Variants in SPACA7 observed in about 807,000 individuals in gnomAD.
SPACA7 encodes the protein sperm acrosome associated 7, also known as sperm acrosome-associated protein 7.
Under a neutral mutation model 26.3 loss-of-function variants are expected in SPACA7, and 19 were observed. The ratio of observed to expected loss-of-function variants is 0.72; its 90% CI spans 0.50 to 1.06. The LOEUF (loss-of-function observed/expected upper bound fraction) is 1.06, where lower values mean the gene tolerates loss of function less well. Ranked by LOEUF, SPACA7 falls within the 50% of genes least tolerant of loss-of-function variation. SPACA7 has a pLI of 0.00. For missense variants in SPACA7, 211 were observed against 229.9 expected (o/e 0.92, Z 0.53); for synonymous variants, 84 against 84.5 (o/e 0.99, Z 0.04).
chr13:112,406,600 T>C (rs1176690221), intron 5 of SPACA7, among the ~76,000 whole-genome samples: 1 of 152,176 alleles, frequency 6.6e-6, no homozygotes, highest in Non-Finnish European at 1.5e-5. Flanking sequence ...AATAAGTCCA[T>C]GAAAAGATGT....
At chr13:112,398,748 TC>T (rs1334090029) in intron 3 of SPACA7, among the ~76,000 whole-genome samples, 1 of 152,120 alleles carries the variant, frequency 6.6e-6, no homozygotes, top group Non-Finnish European at 1.5e-5. Flanking sequence ...GAATCAGAAA[TC>T]CCCACACAGT....
At chr13:112,383,126 AAAGAAAG>A (rs1263213672) in intron 1 of SPACA7, among the ~76,000 whole-genome samples, 1 of 3,058 alleles carries the variant, frequency 3.3e-4, no homozygotes, top group Non-Finnish European at 1.1e-3. Flanking sequence ...AAAAGAAAAG[AAAGAAAG>A]AAAGAAAGAA....
intron 5 of SPACA7, among the ~76,000 whole-genome samples, chr13:112,413,054 A>G (rs1886450369): frequency 6.6e-6 from 1 of 152,130 alleles, no homozygotes. Flanking sequence ...CTTTAAAATT[A>G]TTATTTTTTA....
chr13:112,409,750 A>G (rs1017486479), intron 5 of SPACA7, among the ~76,000 whole-genome samples: 1 of 152,190 alleles, frequency 6.6e-6, no homozygotes, highest in African/African-American at 2.4e-5. Flanking sequence ...AAATAGGAAC[A>G]CTTTTACACT....
intron 5 of SPACA7, among the ~76,000 whole-genome samples, chr13:112,404,207 G>GCCATT (rs559703328): frequency 5.8e-4 from 89 of 152,188 alleles, no homozygotes; most frequent in African/African-American, 2.1e-3. Context: ...CTGTTCGTTG[G>GCCATT]CCATTTGTAT....
At chr13:112,378,164 G>A (rs533976054) in intron 1 of SPACA7, among the ~76,000 whole-genome samples, 1 of 152,116 alleles carries the variant, frequency 6.6e-6, no homozygotes, top group Non-Finnish European at 1.5e-5. Context: ...CCAGTCAGGA[G>A]GGCAGAAGAA....
rs994521733 is a variant in SPACA7, at chr13:112,431,995, C to T, written c.446-449C>T. On this transcript the variant is annotated intron_variant, in intron 5 of 6. Coordinates refer to ENST00000283550, the MANE Select transcript of SPACA7 (RefSeq NM_145248.5). Reference sequence around the variant, plus strand: ...AGTCATTGGTAGAAAGGGCTGGCCACGAAGAAAGGTGGGGGAAATTCAGTG... The same window carrying T: ...AGTCATTGGTAGAAAGGGCTGGCCATGAAGAAAGGTGGGGGAAATTCAGTG... Among the ~76,000 whole-genome samples, 9 of 152,130 alleles carry T rather than the reference C, an allele frequency of 5.9e-5. No homozygotes were observed. The East Asian group carries it at 7.7e-4, about 13-fold the overall frequency.
intron 5 of SPACA7, among the ~76,000 whole-genome samples, chr13:112,411,260 T>A (rs1886333933): frequency 6.6e-6 from 1 of 152,096 alleles, no homozygotes; most frequent in African/African-American, 2.4e-5. Context: ...TGTCCCTAAT[T>A]CCCTTTTTTT....
intron 5 of SPACA7, among the ~76,000 whole-genome samples, chr13:112,414,975 AGACT>A (rs1365922081): frequency 2.0e-5 from 3 of 152,190 alleles, no homozygotes; most frequent in East Asian, 3.9e-4. Flanking sequence ...GATTCAAAGG[AGACT>A]GACTGACTGT....
intron 4 of SPACA7, among the ~76,000 whole-genome samples, chr13:112,400,372 G>T (rs367986278): frequency 2.0e-5 from 3 of 152,312 alleles, no homozygotes; most frequent in African/African-American, 7.2e-5. Context: ...TGTGGTGTTT[G>T]CCAACTGGCG....
At chr13:112,402,549 A>AT (rs1022962297) in intron 5 of SPACA7, among the ~76,000 whole-genome samples, 3 of 152,174 alleles carry the variant, frequency 2.0e-5, no homozygotes, top group African/African-American at 7.2e-5. Context: ...GCATTGACTG[A>AT]TATATCCAGG....
intron 5 of SPACA7, among the ~76,000 whole-genome samples, chr13:112,412,417 TATTG>T (rs1886409402): frequency 6.6e-6 from 1 of 152,222 alleles, no homozygotes; most frequent in African/African-American, 2.4e-5. Context: ...CTCTTCACCT[TATTG>T]ATTGTTTCAT....
chr13:112,412,678 G>A (rs986383614), intron 5 of SPACA7, among the ~76,000 whole-genome samples: 5 of 152,042 alleles, frequency 3.3e-5, no homozygotes, highest in Non-Finnish European at 7.4e-5. Context: ...GCATATGAAT[G>A]TCCAGTTTTC....
intron 5 of SPACA7, among the ~76,000 whole-genome samples, chr13:112,414,362 T>C (rs1886542452): frequency 6.9e-6 from 1 of 145,284 alleles, no homozygotes; most frequent in Admixed American, 6.9e-5. Flanking sequence ...ATTAATCTGA[T>C]AAGTTTCTGA....
At chr13:112,407,117 A>C (rs1048218088) in intron 5 of SPACA7, among the ~76,000 whole-genome samples, 9 of 152,226 alleles carry the variant, frequency 5.9e-5, no homozygotes, top group African/African-American at 2.2e-4. Context: ...CTGAATGACT[A>C]CTGGGTACAT....
chr13:112,391,309 G>T (rs1257175834), intron 1 of SPACA7, among the ~76,000 whole-genome samples: 2 of 152,134 alleles, frequency 1.3e-5, no homozygotes, highest in African/African-American at 2.4e-5. Context: ...TACTCTCCTT[G>T]GTCCTTAATG....
intron 5 of SPACA7, among the ~76,000 whole-genome samples, chr13:112,402,648 G>A (rs1212164088): frequency 6.6e-6 from 1 of 152,112 alleles, no homozygotes; most frequent in African/African-American, 2.4e-5. Context: ...CCAGTAAGTA[G>A]GATTCTGGCT....
chr13:112,376,786 T>TACAC (rs111796918), intron 1 of SPACA7, among the ~76,000 whole-genome samples: 2 of 151,786 alleles, frequency 1.3e-5, no homozygotes, highest in Admixed American at 6.6e-5. Context: ...TGTTTTTTTC[T>TACAC]ACACACACAC....
chr13:112,382,023 AAGG>A (rs1437991529), intron 1 of SPACA7, among the ~76,000 whole-genome samples: 1 of 152,208 alleles, frequency 6.6e-6, no homozygotes, highest in Non-Finnish European at 1.5e-5. Flanking sequence ...CCCAGGCAAG[AAGG>A]AGGACTGCTT....
Sources: allele counts gnomAD v4.1 joint callset (sites outside exome capture counted in the v4.1 genomes callset), GRCh38; gene constraint gnomAD v4.1.1; transcripts MANE v1.5; gene names NCBI Gene and HGNC (gene_info 2026-07-23, HGNC 2026-07-21).